The following ANXA7 variants were observed in gnomAD, a reference collection of about 807,000 sequenced individuals.
ANXA7 encodes annexin A7.
Under a neutral mutation model 64.9 loss-of-function variants are expected in ANXA7, and 55 were observed. The observed-to-expected ratio is 0.85, with a 90% CI of 0.68 to 1.06. The LOEUF (loss-of-function observed/expected upper bound fraction) is 1.06, where lower values mean the gene tolerates loss of function less well. Among genes scored for constraint, ANXA7 ranks in the 50% least tolerant of loss-of-function variants. The probability of loss-of-function intolerance (pLI) is 0.00; values close to 1 mark genes in which losing one functional copy is unlikely to be tolerated. For missense variants in ANXA7, 548 were observed against 582.1 expected (o/e 0.94, Z 0.60); for synonymous variants, 200 against 192.4 (o/e 1.04, Z -0.33).
intron 5 of ANXA7, among the ~76,000 whole-genome samples, chr10:73,395,631 A>T (rs1407491193): frequency 6.6e-6 from 1 of 152,058 alleles, no homozygotes; most frequent in Non-Finnish European, 1.5e-5. Context: ...TAAAAATACA[A>T]AAAAATGTGA....
At chr10:73,405,903 C>T (rs2055749302) in intron 1 of ANXA7, among the ~76,000 whole-genome samples, 1 of 152,114 alleles carries the variant, frequency 6.6e-6, no homozygotes, top group African/African-American at 2.4e-5. Flanking sequence ...GTCAATAGCA[C>T]CACTACTTAA....
chr10:73,383,035 C>CT, intron 9 of ANXA7, 140 bp downstream of exon 9: 1 of 685,366 alleles, frequency 1.5e-6, no homozygotes, highest in Non-Finnish European at 2.3e-6. Context: ...AATCTGTACA[C>CT]TGGTTTCTGT....
rs1336314445 is a variant in ANXA7, at chr10:73,398,268, C to A, written c.172G>T (p.Gly58Ter). The change falls in exon 3 of 13, where the codon GGA becomes TGA. Residue 58 changes from glycine (G) to a stop codon, truncating the protein, a stop_gained. Transcript: ENST00000372921. LOFTEE classifies it high-confidence loss of function. ...QVPSSGYPGA[G>*]GYPAPGGYPA... ...TAACCTCCAGGCGCAGGGTAGCCTC[C>A]AGCTCCTGGGTAGCCACTACTTGGC... 6.2e-7 allele frequency: 1 copy of A among 1,614,070 alleles called. No homozygotes were observed. Among genetic ancestry groups the A allele is most frequent in the Admixed American group, 1.7e-5 (1 of 60,018 alleles).
intron 3 of ANXA7, among the ~76,000 whole-genome samples, chr10:73,397,897 C>T (rs1240952685): frequency 6.6e-6 from 1 of 152,126 alleles, no homozygotes; most frequent in East Asian, 1.9e-4. Context: ...ATGTCTTAAT[C>T]AGGTCTTAAG....
At chr10:73,413,576 C>T (rs1273196898) in intron 1 of ANXA7, among the ~76,000 whole-genome samples, 1 of 152,226 alleles carries the variant, frequency 6.6e-6, no homozygotes, top group Non-Finnish European at 1.5e-5. Context: ...TCCTACGGTT[C>T]ACTAAACACA....
intron 1 of ANXA7, among the ~76,000 whole-genome samples, chr10:73,406,101 G>A (rs1158203556): frequency 1.3e-5 from 2 of 151,692 alleles, no homozygotes; most frequent in Non-Finnish European, 2.9e-5. Flanking sequence ...GATTACAGGC[G>A]CCCACCACCA....
chr10:73,406,931 C>T (rs1382214578), intron 1 of ANXA7, among the ~76,000 whole-genome samples: 1 of 152,144 alleles, frequency 6.6e-6, no homozygotes, highest in Admixed American at 6.5e-5. Context: ...AAATCTCTAT[C>T]ACTTGAACCA....
chr10:73,410,845 C>T (rs922070639), intron 1 of ANXA7, among the ~76,000 whole-genome samples: 8 of 151,176 alleles, frequency 5.3e-5, no homozygotes, highest in African/African-American at 1.7e-4. Context: ...GAAAAGAGAC[C>T]GCTTATTACA....
At chr10:73,395,589 G>A (rs2055556535) in intron 5 of ANXA7, among the ~76,000 whole-genome samples, 1 of 152,092 alleles carries the variant, frequency 6.6e-6, no homozygotes, top group Admixed American at 6.6e-5. Flanking sequence ...TTCGAGACCA[G>A]CCTGGCCAAC....
At chr10:73,408,821 TC>T (rs1170986432) in intron 1 of ANXA7, among the ~76,000 whole-genome samples, 5 of 152,196 alleles carry the variant, frequency 3.3e-5, no homozygotes, top group African/African-American at 9.7e-5. Flanking sequence ...CATGTGAATG[TC>T]CATCAATAAG....
intron 5 of ANXA7, among the ~76,000 whole-genome samples, chr10:73,394,763 G>GACGAGTTA (rs1291338453): frequency 6.6e-6 from 1 of 152,132 alleles, no homozygotes; most frequent in Non-Finnish European, 1.5e-5. Context: ...TAATATAAAT[G>GACGAGTTA]ACGAGTTAAC....
chr10:73,377,930 T>TGTGTGTGTGTGCGC (rs542289005), intron 12 of ANXA7, among the ~76,000 whole-genome samples: 31 of 142,584 alleles, frequency 2.2e-4, no homozygotes, highest in African/African-American at 8.5e-4. Context: ...TGTGTGTGTG[T>TGTGTGTGTGTGCGC]GCGCGCGCGT....
At chr10:73,402,945 C>T (rs1430024804) in intron 1 of ANXA7, among the ~76,000 whole-genome samples, 1 of 152,088 alleles carries the variant, frequency 6.6e-6, no homozygotes, top group African/African-American at 2.4e-5. Context: ...CTGCCTCAGC[C>T]TCCCAAGTAG....
At chr10:73,391,310 T>C (rs2055479223) in intron 5 of ANXA7, among the ~76,000 whole-genome samples, 1 of 151,990 alleles carries the variant, frequency 6.6e-6, no homozygotes, top group Non-Finnish European at 1.5e-5. Context: ...CCAACCTTCT[T>C]GCTGAAAAAC....
At chr10:73,391,123 G>A (rs901653324) in intron 5 of ANXA7, among the ~76,000 whole-genome samples, 10 of 148,128 alleles carry the variant, frequency 6.8e-5, no homozygotes, top group South Asian at 2.2e-4. Context: ...ACCCCAGATC[G>A]CGCCACTGCA....
rs1554815050 is a variant in ANXA7 at position 73,375,546 on chromosome 10, T to C, written c.*549A>G. The C allele has an allele frequency of 6.6e-6, 1 of 152,228 alleles. No homozygotes were observed. The highest frequency in any genetic ancestry group is 1.5e-5 in the Non-Finnish European group (1 of 68,042). 9.4% of individuals were successfully genotyped at this position (152,228 alleles called of 1,614,324 possible). The stretch of plus-strand genomic sequence containing the variant: ...TTAAGCATATAAACATTTGACCCTT[T>C]CTTAAAAGGTGCCACAGGTAATACT... On this transcript the variant is annotated 3_prime_UTR_variant, in exon 13 of 13. Transcript: ENST00000372921.
intron 11 of ANXA7, among the ~76,000 whole-genome samples, chr10:73,379,300 AC>A (rs2055235699): frequency 6.6e-6 from 1 of 152,120 alleles, no homozygotes; most frequent in Non-Finnish European, 1.5e-5. Flanking sequence ...AGTAGCTGGG[AC>A]TACAAGTGTG....
intron 1 of ANXA7, among the ~76,000 whole-genome samples, chr10:73,412,795 C>CT (rs55814659): frequency 0.038 from 4,977 of 131,594 alleles, 192 homozygotes; most frequent in African/African-American, 0.1. Flanking sequence ...CGCGCTCGGG[C>CT]TTTTTTTTTT....
Position 73,376,212 on chromosome 10 carries a change from G to A in ANXA7, c.1284C>T (p.Asp428=), listed in dbSNP as rs769022674. 9 of 1,567,250 alleles carry A rather than the reference G, an allele frequency of 5.7e-6. No homozygotes were observed. Among genetic ancestry groups the A allele is most frequent in the Non-Finnish European group, 7.7e-6 (9 of 1,161,602 alleles). ...CGAACATCTGTTTTATTTGTACAAG[G>A]TCAATCTGCATAAGAAATAATATTT... The part of the protein sequence containing the change: ...VRIVVTRSEI[D]LVQIKQMFAQ... Residue 428 remains aspartate (D), a synonymous_variant, in exon 13 of 13, where the codon GAC becomes GAT. Coordinates refer to ENST00000372921, the MANE Select transcript of ANXA7 (RefSeq NM_001156.5).
Sources: allele counts gnomAD v4.1 joint callset (sites outside exome capture counted in the v4.1 genomes callset), GRCh38; gene constraint gnomAD v4.1.1; transcripts MANE v1.5; gene names NCBI Gene and HGNC (gene_info 2026-07-23, HGNC 2026-07-21).